NLGN1: variants seen among roughly 807,000 people sequenced by gnomAD.
The protein encoded by NLGN1 is neuroligin-1.
In NLGN1, 12 loss-of-function variants were observed where a neutral mutation model predicts 65.5. That is an observed-to-expected ratio of 0.18 (90% CI 0.12 to 0.30). The LOEUF is 0.30. NLGN1 is among the 10% of genes least tolerant of loss of function. The pLI, the probability that NLGN1 is intolerant of heterozygous loss-of-function variation, is 1.00. For missense variants in NLGN1, 750 were observed against 1,007.1 expected, an observed-to-expected ratio of 0.74 and a Z score of 3.46; for synonymous variants, 350 against 359.5, an observed-to-expected ratio of 0.97 and a Z score of 0.30.
intron 4 of NLGN1, among the ~76,000 whole-genome samples, chr3:174,143,568 C>T (rs1272633006): frequency 6.6e-6 from 1 of 152,198 alleles, no homozygotes; most frequent in Non-Finnish European, 1.5e-5. Context: ...ACTTCTATTA[C>T]ATGAAAGCTT....
At chr3:174,147,447 T>A (rs1176867627) in intron 4 of NLGN1, among the ~76,000 whole-genome samples, 4 of 122,484 alleles carry the variant, frequency 3.3e-5, no homozygotes, top group Non-Finnish European at 4.7e-5. Flanking sequence ...TTTTTTTTTT[T>A]TTTGAGACAG....
At chr3:173,512,989 A>G (rs1261996798) in intron 2 of NLGN1, among the ~76,000 whole-genome samples, 1 of 152,154 alleles carries the variant, frequency 6.6e-6, no homozygotes, top group Non-Finnish European at 1.5e-5. Context: ...GTGACCCCCT[A>G]TCCCTGGACT....
chr3:173,825,409 T>A (rs1303164144), intron 4 of NLGN1, among the ~76,000 whole-genome samples: 4 of 152,112 alleles, frequency 2.6e-5, no homozygotes, highest in African/African-American at 9.6e-5. Context: ...ATATGCCATT[T>A]TGTTCAATTT....
intron 3 of NLGN1, among the ~76,000 whole-genome samples, chr3:173,719,561 T>C (rs1207930798): frequency 6.6e-6 from 1 of 151,882 alleles, no homozygotes; most frequent in Non-Finnish European, 1.5e-5. Context: ...GGCGTCGTGT[T>C]GCATAGTGGA....
chr3:173,966,001 G>C (rs2035831), intron 4 of NLGN1, among the ~76,000 whole-genome samples: 55,401 of 151,920 alleles, frequency 0.36, 10,571 homozygotes, highest in African/African-American at 0.45. Context: ...CAGGCTTGTT[G>C]GTATTTTGGG....
At chr3:173,990,327 T>C (rs950707795) in intron 4 of NLGN1, among the ~76,000 whole-genome samples, 1 of 152,182 alleles carries the variant, frequency 6.6e-6, no homozygotes, top group Non-Finnish European at 1.5e-5. Flanking sequence ...ACAAATTCTG[T>C]TTGTTGACTA....
intron 2 of NLGN1, among the ~76,000 whole-genome samples, chr3:173,600,449 T>C (rs1301349717): frequency 6.6e-6 from 1 of 152,028 alleles, no homozygotes; most frequent in Non-Finnish European, 1.5e-5. Context: ...ATATACATTT[T>C]ATGAGGGACA....
Position 173,438,413 on chromosome 3 carries a change from A to G in NLGN1, c.-321+3335A>G, listed in dbSNP as rs565036851. Among the ~76,000 whole-genome samples the G allele has an allele frequency of 3.3e-5, 5 of 152,260 alleles. No individual in the cohort carries two copies. The South Asian group carries it at 6.2e-4, about 19-fold the overall frequency. On this transcript the variant is annotated intron_variant, in intron 2 of 6. Coordinates refer to ENST00000457714, the Ensembl canonical transcript of NLGN1. ...GTATACAAGGAAAAAAATGGCAGAA[A>G]TGAAGGAAATAACTAAGTTAAAGAG...
chr3:173,811,023 G>C (rs949773905), intron 4 of NLGN1, among the ~76,000 whole-genome samples: 1 of 152,168 alleles, frequency 6.6e-6, no homozygotes, highest in Non-Finnish European at 1.5e-5. Flanking sequence ...TTTCATGTTA[G>C]AGCTCCTGGC....
intron 4 of NLGN1, among the ~76,000 whole-genome samples, chr3:174,032,057 A>G (rs1228217817): frequency 6.6e-6 from 1 of 152,128 alleles, no homozygotes; most frequent in East Asian, 1.9e-4. Context: ...TCCAAAGAAG[A>G]CTCCTATAAC....
intron 2 of NLGN1, among the ~76,000 whole-genome samples, chr3:173,517,788 A>G (rs558306580): frequency 2.0e-5 from 3 of 151,714 alleles, no homozygotes; most frequent in South Asian, 2.1e-4. Context: ...CTATCTATCT[A>G]TCTATCTATC....
chr3:173,703,798 G>A lies in NLGN1; in HGVS notation c.493+98707G>A, dbSNP rs186672106. Among the ~76,000 whole-genome samples the A allele has an allele frequency of 3.2e-4, 49 of 152,250 alleles. 1 individual carries two copies. The highest frequency in any genetic ancestry group is 1.4e-3 in the Admixed American group (22 of 15,300). ...GAACCACGCCAGAAATATGGGATTC[G>A]TCATTAAATTTAGAGGCTTCTTTAT... On this transcript the variant is annotated intron_variant, in intron 3 of 6. Transcript: ENST00000457714.
chr3:173,728,285 A>T (rs1309572656), intron 3 of NLGN1, among the ~76,000 whole-genome samples: 2 of 152,164 alleles, frequency 1.3e-5, no homozygotes, highest in Non-Finnish European at 2.9e-5. Context: ...CCTAAGAAAC[A>T]TAAAAACAAA....
intron 4 of NLGN1, among the ~76,000 whole-genome samples, chr3:174,242,887 C>T (rs182616990): frequency 6.6e-5 from 10 of 152,186 alleles, no homozygotes; most frequent in Admixed American, 5.9e-4. Flanking sequence ...AAAATGTTGG[C>T]GACCACTGCC....
At chr3:173,472,506 G>C (rs1234938513) in intron 2 of NLGN1, among the ~76,000 whole-genome samples, 1 of 151,940 alleles carries the variant, frequency 6.6e-6, no homozygotes, top group Non-Finnish European at 1.5e-5. Flanking sequence ...TTAAAATGGA[G>C]AATAGTTTCA....
chr3:173,771,173 T>A (rs1779518571), intron 3 of NLGN1, among the ~76,000 whole-genome samples: 2 of 152,212 alleles, frequency 1.3e-5, no homozygotes, highest in African/African-American at 4.8e-5. Context: ...TCATTTATTT[T>A]AATCACCCTG....
Position 174,279,260 on chromosome 3 carries a change from A to G in NLGN1, c.1259A>G (p.Asp420Gly). Reference sequence around the variant, plus strand: ...GACTTTGCTGTTTCAAATTTTGTTGATAATTTATATGGATATCCTGAAGGC... The same window carrying G: ...GACTTTGCTGTTTCAAATTTTGTTGGTAATTTATATGGATATCCTGAAGGC... Residue 420 changes from aspartate to glycine, a missense_variant, in exon 6 of 7, where the codon GAT becomes GGT. By Grantham distance (94) the Asp-to-Gly change is moderately conservative. Transcript: ENST00000457714. This position sits in a 1 kb window ranked among gnomAD's most constrained non-coding sequence, Gnocchi z 4.7. The G allele has an allele frequency of 6.2e-7, 1 of 1,613,364 alleles. No homozygotes were observed. The highest frequency in any genetic ancestry group is 8.5e-7 in the Non-Finnish European group (1 of 1,179,552).
intron 2 of NLGN1, among the ~76,000 whole-genome samples, chr3:173,574,084 G>GAAAAAGA (rs1745118725): frequency 8.0e-6 from 1 of 124,660 alleles, no homozygotes; most frequent in Non-Finnish European, 1.7e-5. Flanking sequence ...AAAAAAAAAA[G>GAAAAAGA]AAAAAGAAAA....
chr3:173,402,721 G>A (rs1717918103), intron 1 of NLGN1, among the ~76,000 whole-genome samples: 1 of 152,066 alleles, frequency 6.6e-6, no homozygotes, highest in South Asian at 2.1e-4. Flanking sequence ...TTCTTCTCAT[G>A]GATATATCTC....
Sources: allele counts gnomAD v4.1 joint callset (sites outside exome capture counted in the v4.1 genomes callset), GRCh38; gene constraint gnomAD v4.1.1; non-coding constraint Gnocchi (gnomAD v3.1); transcripts MANE v1.5; gene names NCBI Gene and HGNC (gene_info 2026-07-23, HGNC 2026-07-21).